The following SCN7A variants were observed in gnomAD, a reference collection of about 807,000 sequenced individuals.
The protein encoded by SCN7A is sodium voltage-gated channel alpha subunit 7, also known as sodium channel protein type 7 subunit alpha.
Under a neutral mutation model 155.2 loss-of-function variants are expected in SCN7A, and 138 were observed. The observed-to-expected ratio is 0.89, with a 90% CI of 0.77 to 1.02. The LOEUF is 1.02. SCN7A is among the 50% of genes least tolerant of loss of function. The probability of loss-of-function intolerance (pLI) is 0.00; values close to 1 mark genes in which losing one functional copy is unlikely to be tolerated. For missense variants in SCN7A, 2,058 were observed against 1,986.6 expected (o/e 1.04, Z -0.68); for synonymous variants, 693 against 649.0 (o/e 1.07, Z -1.03).
chr2:166,404,825 A>G lies in SCN7A; in HGVS notation c.*755T>C, dbSNP rs1481445513. On this transcript the variant is annotated 3_prime_UTR_variant, in exon 26 of 26. Coordinates refer to ENST00000643258, the MANE Select transcript of SCN7A (RefSeq NM_002976.4). ...AATAGGTGTAAATGAGAAGAAAATG[A>G]AAAAAAAAAAAAAAAAAAAGGCTAT... 1 of 69,408 alleles carries G rather than the reference A, an allele frequency of 1.4e-5. No individual in the cohort carries two copies. The highest frequency in any genetic ancestry group is 2.9e-5 in the Non-Finnish European group (1 of 34,756). The allele number at this position is 69,408 out of a possible 1,614,324, so 4.3% of individuals were successfully genotyped here. A position where few individuals can be genotyped will look rare whatever the true frequency, so the allele number is the denominator to read the frequency against.
intron 6 of SCN7A, among the ~76,000 whole-genome samples, 200 bp downstream of exon 6, chr2:166,472,117 C>T (rs1404839585): frequency 6.6e-6 from 1 of 151,714 alleles, no homozygotes; most frequent in African/African-American, 2.4e-5. Context: ...TCCCCCTCCC[C>T]CCACTCCTTT....
At chr2:166,457,149 A>G in intron 10 of SCN7A, 73 bp from the exon 11 acceptor site, 2 of 1,111,414 alleles carry the variant, frequency 1.8e-6, no homozygotes, top group African/African-American at 1.6e-5. Flanking sequence ...ATTTTAAAAT[A>G]AAAGGCAAAA....
At chr2:166,412,366 C>T (rs1385240985) in intron 23 of SCN7A, among the ~76,000 whole-genome samples, 164 bp downstream of exon 23, 1 of 151,954 alleles carries the variant, frequency 6.6e-6, no homozygotes, top group East Asian at 1.9e-4. Context: ...AGGCAATGTT[C>T]ATCAATGTGC....
In SCN7A at chr2:166,410,290, T is replaced by C. The variant is rs901122682; in HGVS notation, c.3641A>G (p.Gln1214Arg). Residue 1214 changes from glutamine to arginine, a missense_variant, in exon 24 of 26, where the codon CAG becomes CGG. By Grantham distance (43) the Gln-to-Arg change is conservative (BLOSUM62 1). Coordinates refer to ENST00000643258, the MANE Select transcript of SCN7A (RefSeq NM_002976.4). The part of the protein sequence containing the change: ...GGSNIFITVK[Q>R]RKQYRRLKKL... The stretch of plus-strand genomic sequence containing the variant: ...CTTCAGCCTGCGGTACTGTTTTCTC[T>C]GTTTAACCGTTATAAAGATATTTGA... The C allele has an allele frequency of 6.4e-7, 1 of 1,553,014 alleles. No homozygotes were observed. Among genetic ancestry groups the C allele is most frequent in the East Asian group, 2.4e-5 (1 of 41,506 alleles).
At position 166,443,594 on chromosome 2, in the gene SCN7A, T is replaced by G; in HGVS notation, c.1709A>C (p.Asn570Thr). 6.3e-7 allele frequency: 1 copy of G among 1,583,210 alleles called. No homozygotes were observed. Among genetic ancestry groups the G allele is most frequent in the South Asian group, 1.2e-5 (1 of 86,236 alleles). The change falls in exon 14 of 26, where the codon AAC (asparagine) becomes ACC (threonine). Residue 570 changes from asparagine (N) to threonine (T), a missense_variant. Physicochemically the swap from Asn to Thr is moderately conservative, Grantham distance 65. Transcript: ENST00000643258. ...HPYGYFQVGWNIFDSMIVFHG... is the reference protein window; with the variant it reads ...HPYGYFQVGWTIFDSMIVFHG... ...GAACACTATCATGCTATCAAAAATG[T>G]TCCAACCTACTTGGAAATACCCATA...
intron 12 of SCN7A, 55 bp downstream of exon 12, chr2:166,447,557 T>G: frequency 8.6e-7 from 1 of 1,161,016 alleles, no homozygotes; most frequent in Admixed American, 2.4e-5. Flanking sequence ...TCTTTAAAAG[T>G]GAATTTTATG....
At chr2:166,425,771 A>G (rs567429337) in intron 18 of SCN7A, among the ~76,000 whole-genome samples, 7 of 152,232 alleles carry the variant, frequency 4.6e-5, no homozygotes, top group African/African-American at 1.7e-4. Flanking sequence ...ATAATTCAGG[A>G]TAATCTCCCT....
chr2:166,428,017 T>G, intron 17 of SCN7A, 75 bp from the exon 18 acceptor site: 1 of 1,358,502 alleles, frequency 7.4e-7, no homozygotes, highest in South Asian at 1.3e-5. Context: ...CTTTCTACTA[T>G]GTGCCACAGC....
At chr2:166,477,770 T>A in intron 2 of SCN7A, 60 bp from the exon 3 acceptor site, 1 of 1,088,488 alleles carries the variant, frequency 9.2e-7, no homozygotes, top group Non-Finnish European at 1.3e-6. Context: ...TACAAAAGAT[T>A]AGGATACGAA....
intron 16 of SCN7A, among the ~76,000 whole-genome samples, chr2:166,430,709 G>T (rs1039121643): frequency 6.6e-6 from 1 of 151,734 alleles, no homozygotes; most frequent in Non-Finnish European, 1.5e-5. Flanking sequence ...TACAAAACAC[G>T]ATGTAAATTT....
At position 166,473,868 on chromosome 2, in the gene SCN7A, A is replaced by C; in HGVS notation, c.374T>G (p.Leu125Arg). The C allele has an allele frequency of 1.3e-6, 2 of 1,567,134 alleles. No individual in the cohort carries two copies. Among genetic ancestry groups the C allele is most frequent in the Non-Finnish European group, 1.7e-6 (2 of 1,152,742 alleles). Residue 125 changes from leucine (L) to arginine (R), a missense_variant, in exon 5 of 26, where the codon CTA (leucine) becomes CGA (arginine). Transcript: ENST00000643258. ...TACGCAATCAATCAGGACACTAATT[A>C]GAATAAACAGTTGGAAAAAGGTAGC... is the stretch of plus-strand genomic sequence containing the variant. Reference protein sequence around the residue: ...LVHPFFQLFILISVLIDCVFM... With the variant: ...LVHPFFQLFIRISVLIDCVFM...
At chr2:166,423,649 A>G (rs1701559775) in intron 18 of SCN7A, among the ~76,000 whole-genome samples, 1 of 152,018 alleles carries the variant, frequency 6.6e-6, no homozygotes, top group African/African-American at 2.4e-5. Flanking sequence ...TCATTAATTG[A>G]TCCCAGAACT....
At chr2:166,413,299 CTTAGT>C (rs1002214143) in intron 21 of SCN7A, among the ~76,000 whole-genome samples, 178 bp from the exon 22 acceptor site, 4 of 151,914 alleles carry the variant, frequency 2.6e-5, no homozygotes, top group African/African-American at 9.7e-5. Flanking sequence ...ATTTCAAGTA[CTTAGT>C]TTATTTATAG....
chr2:166,441,042 A>C (rs1701948738), intron 15 of SCN7A: 2 of 360,228 alleles, frequency 5.6e-6, no homozygotes, highest in Non-Finnish European at 9.9e-6. Flanking sequence ...TTTCCACTGG[A>C]TGTTTTCAGA....
At chr2:166,480,373 G>A (rs1164419855) in intron 2 of SCN7A, among the ~76,000 whole-genome samples, 4 of 151,548 alleles carry the variant, frequency 2.6e-5, no homozygotes, top group African/African-American at 9.7e-5. Context: ...CAGGAGAATG[G>A]CATGAGCCCG....
At chr2:166,415,556 C>A (rs554367453) in intron 21 of SCN7A, among the ~76,000 whole-genome samples, 3 of 152,062 alleles carry the variant, frequency 2.0e-5, no homozygotes, top group African/African-American at 4.8e-5. Flanking sequence ...TTGTATGTTG[C>A]GGGAAGTCAG....
chr2:166,488,813 T>A (rs138569505), intron 1 of SCN7A, among the ~76,000 whole-genome samples: 1,879 of 152,014 alleles, frequency 0.012, 42 homozygotes, highest in African/African-American at 0.043. Context: ...AATTTTTGTA[T>A]TGTTAGTAGA....
chr2:166,429,065 T>C (rs990712707), intron 17 of SCN7A, 104 bp downstream of exon 17: 2 of 596,916 alleles, frequency 3.4e-6, no homozygotes, highest in Non-Finnish European at 5.6e-6. Flanking sequence ...AAGAAATGTA[T>C]AAAGATTCAG....
At chr2:166,421,096 G>C (rs1235472244) in intron 20 of SCN7A, 94 bp downstream of exon 20, 1 of 766,804 alleles carries the variant, frequency 1.3e-6, no homozygotes, top group South Asian at 1.8e-5. Flanking sequence ...ACTGTTAAAG[G>C]TACAAACGAG....
Sources: gnomAD v4.1 joint callset for allele counts (sites outside exome capture counted in the v4.1 genomes callset) on GRCh38, gnomAD v4.1.1 for gene constraint, MANE v1.5 for transcripts, NCBI Gene and HGNC (gene_info 2026-07-23, HGNC 2026-07-21) for gene names.